The following STPG2 variants were observed in gnomAD, a reference collection of about 807,000 sequenced individuals.
STPG2 encodes the protein sperm tail PG-rich repeat containing 2, also known as sperm-tail PG-rich repeat-containing protein 2.
In STPG2, 56 loss-of-function variants were observed where a neutral mutation model predicts 54.2. The observed-to-expected ratio is 1.03, with a 90% CI of 0.83 to 1.29. STPG2 has a LOEUF of 1.29. Among genes scored for constraint, STPG2 ranks in the 50% most tolerant of loss-of-function variants. The probability of loss-of-function intolerance (pLI) is 0.00; values close to 1 mark genes in which losing one functional copy is unlikely to be tolerated. For missense variants in STPG2, 596 were observed against 544.9 expected, an observed-to-expected ratio of 1.09 and a Z score of -0.93; for synonymous variants, 200 against 181.8, an observed-to-expected ratio of 1.10 and a Z score of -0.81.
At chr4:97,907,263 C>A (rs1188662341) in intron 8 of STPG2, among the ~76,000 whole-genome samples, 1 of 151,260 alleles carries the variant, frequency 6.6e-6, no homozygotes, top group Non-Finnish European at 1.5e-5. Flanking sequence ...AACTCCCATT[C>A]ACAATTGCTT....
chr4:97,503,286 A>G (rs1281548525), intron 4 of STPG2, among the ~76,000 whole-genome samples: 1 of 152,060 alleles, frequency 6.6e-6, no homozygotes, highest in Non-Finnish European at 1.5e-5. Context: ...AAATAGTCAA[A>G]TGCTATGAAC....
At chr4:97,975,056 T>C (rs1015095236) in intron 6 of STPG2, among the ~76,000 whole-genome samples, 2 of 152,190 alleles carry the variant, frequency 1.3e-5, no homozygotes, top group Non-Finnish European at 2.9e-5. Flanking sequence ...GCTTGAATAA[T>C]GTATAATTCC....
intron 4 of STPG2, among the ~76,000 whole-genome samples, chr4:97,474,734 T>C (rs753110047): frequency 5.3e-5 from 8 of 151,896 alleles, no homozygotes; most frequent in Non-Finnish European, 7.4e-5. Flanking sequence ...CTGAAGCCAG[T>C]AGAAAAAAAA....
intron 9 of STPG2, among the ~76,000 whole-genome samples, chr4:97,790,666 G>A (rs1302665661): frequency 2.0e-5 from 3 of 152,100 alleles, no homozygotes; most frequent in South Asian, 2.1e-4. Context: ...GAAAGGTCAA[G>A]CTTCTCTCGT....
downstream of STPG2, among the ~76,000 whole-genome samples, chr4:97,554,246 C>T (rs1307868008): frequency 6.6e-6 from 1 of 152,090 alleles, no homozygotes; most frequent in African/African-American, 2.4e-5. Flanking sequence ...GTGAGTATGA[C>T]TTATGGCATC....
intron 7 of STPG2, among the ~76,000 whole-genome samples, chr4:97,951,423 T>C (rs1329676441): frequency 1.3e-5 from 2 of 152,220 alleles, no homozygotes; most frequent in Non-Finnish European, 2.9e-5. Context: ...ATTATTTTTC[T>C]GGTTCCTTCT....
chr4:98,135,231 T>C (rs1740105599), intron 1 of STPG2, among the ~76,000 whole-genome samples: 1 of 151,726 alleles, frequency 6.6e-6, no homozygotes, highest in Non-Finnish European at 1.5e-5. Context: ...TAAAGGAAAA[T>C]GTGTGCTACT....
At chr4:97,923,350 C>T (rs1433598929) in intron 8 of STPG2, among the ~76,000 whole-genome samples, 10 of 151,086 alleles carry the variant, frequency 6.6e-5, no homozygotes, top group African/African-American at 2.0e-4. Context: ...CGACAAGTGC[C>T]GCCCCCTGCT....
At chr4:97,653,118 G>GATAA (rs1174522042) in intron 10 of STPG2, among the ~76,000 whole-genome samples, 4 of 151,786 alleles carry the variant, frequency 2.6e-5, no homozygotes, top group African/African-American at 4.8e-5. Flanking sequence ...TAGATAGGTA[G>GATAA]ATAGATAGAT....
intron 5 of STPG2, among the ~76,000 whole-genome samples, chr4:98,020,227 AG>A (rs1560639579): frequency 7.6e-6 from 1 of 131,540 alleles, no homozygotes; most frequent in African/African-American, 3.0e-5. Flanking sequence ...TTTAGCATGA[AG>A]GGTTGTTGAA....
chr4:97,601,550 T>C (rs747190724), intron 10 of STPG2, among the ~76,000 whole-genome samples: 1 of 151,962 alleles, frequency 6.6e-6, no homozygotes, highest in Non-Finnish European at 1.5e-5. Flanking sequence ...TTCCCACTGA[T>C]CTGTAAGTGG....
At chr4:97,649,811 T>G (rs1441704662) in intron 10 of STPG2, among the ~76,000 whole-genome samples, 2 of 152,148 alleles carry the variant, frequency 1.3e-5, no homozygotes, top group African/African-American at 4.8e-5. Context: ...AGACAAGTTT[T>G]CCACAGACCA....
At chr4:98,028,899 G>C (rs1736509432) in intron 5 of STPG2, among the ~76,000 whole-genome samples, 1 of 151,896 alleles carries the variant, frequency 6.6e-6, no homozygotes, top group South Asian at 2.1e-4. Context: ...TTTTCACATA[G>C]CTTGAAATAT....
At chr4:97,924,334 A>G (rs971857156) in intron 8 of STPG2, among the ~76,000 whole-genome samples, 1 of 152,198 alleles carries the variant, frequency 6.6e-6, no homozygotes, top group African/African-American at 2.4e-5. Context: ...CATTTTAAAC[A>G]TATGTGATGG....
intron 10 of STPG2, among the ~76,000 whole-genome samples, chr4:97,582,071 C>A (rs1457742004): frequency 6.6e-6 from 1 of 151,842 alleles, no homozygotes; most frequent in Non-Finnish European, 1.5e-5. Flanking sequence ...TTTTGCCAAG[C>A]ATCTGCAGCT....
At chr4:97,600,123 A>ACTGT (rs1242409296) in intron 10 of STPG2, among the ~76,000 whole-genome samples, 1 of 152,134 alleles carries the variant, frequency 6.6e-6, no homozygotes, top group East Asian at 1.9e-4. Flanking sequence ...GGATCAAAAA[A>ACTGT]CTGTCTATCA....
chr4:97,541,994 G>A (rs900462496), intron 4 of STPG2, among the ~76,000 whole-genome samples: 5 of 152,024 alleles, frequency 3.3e-5, no homozygotes, highest in East Asian at 1.9e-4. Flanking sequence ...AGACTTAAAC[G>A]TTAGACCTAA....
intron 4 of STPG2, among the ~76,000 whole-genome samples, chr4:97,522,753 T>A (rs1243202603): frequency 6.6e-6 from 1 of 151,996 alleles, no homozygotes; most frequent in East Asian, 1.9e-4. Flanking sequence ...TCAATTACAC[T>A]GGCAAATGTT....
intron 4 of STPG2, among the ~76,000 whole-genome samples, chr4:97,516,688 C>T (rs1399109509): frequency 2.6e-5 from 4 of 151,468 alleles, no homozygotes; most frequent in Admixed American, 1.3e-4. Flanking sequence ...TTTAACCAGG[C>T]GTGGTGGCAC....
Sources: allele counts gnomAD v4.1 joint callset (sites outside exome capture counted in the v4.1 genomes callset), GRCh38; gene constraint gnomAD v4.1.1; transcripts MANE v1.5; gene names NCBI Gene and HGNC (gene_info 2026-07-23, HGNC 2026-07-21).